XRCC5: variants seen among roughly 807,000 people sequenced by gnomAD.
The protein encoded by XRCC5 is DNA repair protein Ku80.
Under a neutral mutation model 95.7 loss-of-function variants are expected in XRCC5, and 12 were observed. That is an observed-to-expected ratio of 0.13 (90% CI 0.08 to 0.20). The LOEUF (loss-of-function observed/expected upper bound fraction) is 0.20. Ranked by LOEUF, XRCC5 falls within the 10% of genes least tolerant of loss-of-function variation. The pLI, the probability that XRCC5 is intolerant of heterozygous loss-of-function variation, is 1.00. For synonymous variants in XRCC5, 281 were observed against 290.3 expected (o/e 0.97, Z 0.33); for missense variants, 595 against 873.9 (o/e 0.68, Z 4.02).
chr2:216,129,787 C>T (rs762987952), intron 8 of XRCC5, among the ~76,000 whole-genome samples: 157 of 152,328 alleles, frequency 1.0e-3, no homozygotes, highest in Non-Finnish European at 1.0e-3. Context: ...GATTCTCCTG[C>T]CTCAGCCTCC....
chr2:216,168,560 C>T (rs1270462866), intron 16 of XRCC5, among the ~76,000 whole-genome samples: 1 of 152,138 alleles, frequency 6.6e-6, no homozygotes, highest in Admixed American at 6.5e-5. Flanking sequence ...CTTTTAAGTT[C>T]CTGTCAATCT....
At chr2:216,143,213 TA>T (rs1324992278) in intron 13 of XRCC5, among the ~76,000 whole-genome samples, 1 of 152,236 alleles carries the variant, frequency 6.6e-6, no homozygotes, top group Non-Finnish European at 1.5e-5. Context: ...GGAAAAATTG[TA>T]AATTGAACCA....
At chr2:216,124,424 T>C (rs1696872306) in intron 6 of XRCC5, among the ~76,000 whole-genome samples, 1 of 152,202 alleles carries the variant, frequency 6.6e-6, no homozygotes, top group Non-Finnish European at 1.5e-5. Flanking sequence ...TCAGATCTTA[T>C]ATATTGGATG....
chr2:216,152,055 A>G (rs1267109967), intron 14 of XRCC5, among the ~76,000 whole-genome samples: 1 of 152,182 alleles, frequency 6.6e-6, no homozygotes, highest in Non-Finnish European at 1.5e-5. Flanking sequence ...TTCACTCACT[A>G]TCACAAGATT....
At chr2:216,164,849 G>A (rs1689024522) in intron 16 of XRCC5, among the ~76,000 whole-genome samples, 1 of 152,174 alleles carries the variant, frequency 6.6e-6, no homozygotes, top group Non-Finnish European at 1.5e-5. Context: ...ATTATTTCAT[G>A]CAGAGCAGAG....
At position 216,160,063 on chromosome 2, in the gene XRCC5, T is replaced by G. The variant is rs780935987; in HGVS notation, c.1671-5T>G. On this transcript the variant is annotated splice_region_variant and splice_polypyrimidine_tract_variant and intron_variant, in intron 14 of 20. Transcript: ENST00000392132. ...TCTAAGAGAAATTTTTTTTTTCTTT[T>G]CTAGCCATGAAGATGGACCTACAGC... 3 of 1,568,326 alleles carry G rather than the reference T, an allele frequency of 1.9e-6. No individual in the cohort carries two copies. Among genetic ancestry groups the G allele is most frequent in the Non-Finnish European group, 2.6e-6 (3 of 1,157,312 alleles).
Position 216,187,786 on chromosome 2 carries a change from G to GACACACACACAC in XRCC5, c.1835-2414_1835-2403dup, listed in dbSNP as rs149998611. Among the ~76,000 whole-genome samples, 631 of 64,450 alleles carry GACACACACACAC rather than the reference G, an allele frequency of 9.8e-3. 62 individuals are homozygous for GACACACACACAC. The highest frequency in any genetic ancestry group is 0.04 in the African/African-American group (392 of 9,924). The allele number at this position is 64,450 out of a possible 152,430, so 42.3% of individuals were successfully genotyped here. On this transcript the variant is annotated intron_variant, in intron 16 of 20. Coordinates refer to ENST00000392132, the MANE Select transcript of XRCC5 (RefSeq NM_021141.4). The stretch of plus-strand genomic sequence containing the variant: ...AGTATCTGTGATGCCATGAACTCCT[G>GACACACACACAC]ACACACACACACACACACACACACA...
chr2:216,138,207 A>G, intron 12 of XRCC5, 28 bp downstream of exon 12: 1 of 1,581,336 alleles, frequency 6.3e-7, no homozygotes, highest in Non-Finnish European at 8.7e-7. Context: ...TAGATCACTC[A>G]TTGACTACAC....
chr2:216,109,423 T>A lies in XRCC5; in HGVS notation c.-14T>A, dbSNP rs779213681. 2 of 1,613,886 alleles carry A rather than the reference T, an allele frequency of 1.2e-6. No homozygotes were observed. Among genetic ancestry groups the A allele is most frequent in the Non-Finnish European group, 1.7e-6 (2 of 1,179,900 alleles). ...GCCCGGAAGAAGCGACCAAAGCGCC[T>A]GAGGACCGGCAACATGGTGCGGTCG... On this transcript the variant is annotated 5_prime_UTR_variant, in exon 1 of 21. Coordinates refer to ENST00000392132, the MANE Select transcript of XRCC5 (RefSeq NM_021141.4).
intron 16 of XRCC5, among the ~76,000 whole-genome samples, chr2:216,163,575 C>T (rs1366387042): frequency 2.6e-5 from 4 of 152,220 alleles, no homozygotes; most frequent in East Asian, 3.9e-4. Context: ...CTGTGAGCCA[C>T]GGTGGCATGA....
At chr2:216,191,954 A>C (rs1440737202) in intron 17 of XRCC5, among the ~76,000 whole-genome samples, 1 of 152,182 alleles carries the variant, frequency 6.6e-6, no homozygotes, top group Non-Finnish European at 1.5e-5. Flanking sequence ...AGAAGGTCAT[A>C]GTATAGAGGA....
intron 19 of XRCC5, 83 bp from the exon 20 acceptor site, chr2:216,204,239 C>T: frequency 1.3e-6 from 2 of 1,520,634 alleles, no homozygotes; most frequent in Admixed American, 1.7e-5. Context: ...TTAGGTTTTG[C>T]TGTGGCAATG....
intron 12 of XRCC5, 118 bp downstream of exon 12, chr2:216,138,297 C>T (rs531463663): frequency 1.6e-4 from 130 of 809,674 alleles, no homozygotes; most frequent in South Asian, 8.6e-4. Flanking sequence ...GTTGGATTTC[C>T]AATCATACAC....
intron 16 of XRCC5, among the ~76,000 whole-genome samples, chr2:216,182,118 C>G (rs1039874703): frequency 1.3e-5 from 2 of 152,160 alleles, no homozygotes; most frequent in African/African-American, 4.8e-5. Flanking sequence ...GCTGCCTCCC[C>G]CTTGTCCACC....
chr2:216,191,613 G>A (rs1689613781), intron 17 of XRCC5, among the ~76,000 whole-genome samples: 1 of 152,110 alleles, frequency 6.6e-6, no homozygotes, highest in Non-Finnish European at 1.5e-5. Flanking sequence ...GTTTCACCAT[G>A]TTGGCCAGGC....
At chr2:216,123,117 A>G (rs1034415823) in intron 6 of XRCC5, among the ~76,000 whole-genome samples, 2 of 152,164 alleles carry the variant, frequency 1.3e-5, no homozygotes, top group Non-Finnish European at 2.9e-5. Flanking sequence ...ATATTCTTGA[A>G]TTATTTCCAG....
intron 7 of XRCC5, 31 bp downstream of exon 7, chr2:216,126,062 A>G (rs368209359): frequency 1.3e-5 from 20 of 1,549,822 alleles, no homozygotes; most frequent in Non-Finnish European, 1.8e-5. Flanking sequence ...TTTAACAGAA[A>G]TGTTACCAGG....
intron 16 of XRCC5, among the ~76,000 whole-genome samples, chr2:216,169,909 C>G (rs549089316): frequency 6.7e-6 from 1 of 150,170 alleles, no homozygotes; most frequent in African/African-American, 2.5e-5. Flanking sequence ...CATGGTGGTG[C>G]GCACCTGTAG....
At chr2:216,192,251 C>T (rs956100597) in intron 17 of XRCC5, among the ~76,000 whole-genome samples, 2 of 152,182 alleles carry the variant, frequency 1.3e-5, no homozygotes, top group African/African-American at 4.8e-5. Flanking sequence ...AGCTCAGCCT[C>T]CCAAAGTGCT....
Sources: gnomAD v4.1 joint callset for allele counts (sites outside exome capture counted in the v4.1 genomes callset) on GRCh38, gnomAD v4.1.1 for gene constraint, MANE v1.5 for transcripts, NCBI Gene and HGNC (gene_info 2026-07-23, HGNC 2026-07-21) for gene names.